DCLK2: variants seen among roughly 807,000 people sequenced by gnomAD.
The protein encoded by DCLK2 is doublecortin like kinase 2, also known as serine/threonine-protein kinase DCLK2.
Under a neutral mutation model 78.4 loss-of-function variants are expected in DCLK2, and 31 were observed. The observed-to-expected ratio is 0.40, with a 90% CI of 0.30 to 0.53. The LOEUF (loss-of-function observed/expected upper bound fraction) is 0.53, where lower values mean the gene tolerates loss of function less well. Ranked by LOEUF, DCLK2 falls within the 20% of genes least tolerant of loss-of-function variation. The pLI is 0.61. For missense variants in DCLK2, 872 were observed against 973.7 expected (o/e 0.90, Z 1.39); for synonymous variants, 407 against 374.9 (o/e 1.09, Z -0.99).
At chr4:150,181,349 CT>C (rs1285027911) in intron 2 of DCLK2, among the ~76,000 whole-genome samples, 4 of 151,980 alleles carry the variant, frequency 2.6e-5, no homozygotes. Context: ...GGAATTAAGA[CT>C]GGGGGTAGGG....
chr4:150,096,604 G>A (rs1580491321), intron 1 of DCLK2, among the ~76,000 whole-genome samples: 2 of 152,152 alleles, frequency 1.3e-5, no homozygotes, highest in South Asian at 2.1e-4. Flanking sequence ...TAAAGGTAAG[G>A]GAGATCATAG....
intron 1 of DCLK2, among the ~76,000 whole-genome samples, chr4:150,084,173 A>G (rs1048768769): frequency 6.6e-6 from 1 of 152,168 alleles, no homozygotes; most frequent in Non-Finnish European, 1.5e-5. Context: ...TTGTAGTCTC[A>G]TGATATATTG....
intron 15 of DCLK2, among the ~76,000 whole-genome samples, chr4:150,250,195 T>C (rs1488664524): frequency 6.6e-6 from 1 of 152,210 alleles, no homozygotes; most frequent in East Asian, 1.9e-4. Context: ...AAAAAATATA[T>C]ATTCATTTTT....
At chr4:150,216,662 G>A (rs969403756) in intron 5 of DCLK2, among the ~76,000 whole-genome samples, 3 of 152,126 alleles carry the variant, frequency 2.0e-5, no homozygotes, top group Non-Finnish European at 4.4e-5. Flanking sequence ...ATTAGCAGAA[G>A]AGGATTCTTG....
chr4:150,156,684 A>G (rs976615216), intron 2 of DCLK2, among the ~76,000 whole-genome samples: 1 of 151,716 alleles, frequency 6.6e-6, no homozygotes, highest in Non-Finnish European at 1.5e-5. Context: ...GCACACACAT[A>G]CACACATGTC....
At chr4:150,111,785 TTTTAA>T (rs1219963138) in intron 2 of DCLK2, among the ~76,000 whole-genome samples, 12 of 152,176 alleles carry the variant, frequency 7.9e-5, no homozygotes, top group Non-Finnish European at 1.3e-4. Context: ...GTTCTAAGTA[TTTTAA>T]TTTATCTCTA....
Position 150,135,003 on chromosome 4 carries a change from T to G in DCLK2, c.756+32191T>G, listed in dbSNP as rs145247450. 2.7e-3 allele frequency among the ~76,000 whole-genome samples: 407 copies of G among 152,314 alleles called. 2 individuals carry two copies. Among genetic ancestry groups the G allele is most frequent in the African/African-American group, 9.6e-3 (401 of 41,562 alleles). ...CTGACTTACCTAATCCAAGTAAGAATGTTTGCTATGAGAAAATTCTGATTT... is the reference window on the plus strand; with the variant it reads ...CTGACTTACCTAATCCAAGTAAGAAGGTTTGCTATGAGAAAATTCTGATTT... On this transcript the variant is annotated intron_variant, in intron 2 of 15. Transcript: ENST00000296550.
chr4:150,229,240 A>G (rs1741857702), intron 8 of DCLK2, among the ~76,000 whole-genome samples: 1 of 152,128 alleles, frequency 6.6e-6, no homozygotes, highest in African/African-American at 2.4e-5. Flanking sequence ...AGGCGGGAAG[A>G]TTGCTTGAGC....
chr4:150,100,067 C>G (rs117165526), intron 1 of DCLK2, among the ~76,000 whole-genome samples: 1 of 152,182 alleles, frequency 6.6e-6, no homozygotes, highest in East Asian at 1.9e-4. Context: ...TGTGTGCCAC[C>G]ATGTCCTGCT....
At chr4:150,115,221 T>C (rs1441373648) in intron 2 of DCLK2, among the ~76,000 whole-genome samples, 1 of 152,218 alleles carries the variant, frequency 6.6e-6, no homozygotes, top group African/African-American at 2.4e-5. Flanking sequence ...GAAGTTCTGA[T>C]TGGCTTTCTT....
chr4:150,198,938 G>T, intron 4 of DCLK2: 2 of 844,786 alleles, frequency 2.4e-6, no homozygotes, highest in East Asian at 3.1e-5. Flanking sequence ...TGTAGGGCAG[G>T]TCGTTTTACC....
chr4:150,232,909 A>G, intron 10 of DCLK2, 81 bp downstream of exon 10: 1 of 1,506,264 alleles, frequency 6.6e-7, no homozygotes, highest in East Asian at 2.3e-5. Flanking sequence ...GGCATTTTAT[A>G]GTCTATACCA....
chr4:150,213,504 A>T (rs1358714942), intron 5 of DCLK2, among the ~76,000 whole-genome samples: 1 of 152,150 alleles, frequency 6.6e-6, no homozygotes, highest in African/African-American at 2.4e-5. Context: ...TTTACACTGG[A>T]TTTTATTCTA....
intron 2 of DCLK2, among the ~76,000 whole-genome samples, chr4:150,192,202 T>C (rs2126367294): frequency 1.3e-5 from 2 of 152,138 alleles, no homozygotes; most frequent in Middle Eastern, 6.8e-3. Context: ...GAAATTGGGC[T>C]GGGCATGGTG....
intron 1 of DCLK2, among the ~76,000 whole-genome samples, chr4:150,098,946 C>T (rs1196542190): frequency 1.3e-5 from 2 of 152,098 alleles, no homozygotes; most frequent in African/African-American, 2.4e-5. Context: ...CCACCTCCCT[C>T]GGCTCCCCAA....
intron 2 of DCLK2, among the ~76,000 whole-genome samples, chr4:150,142,056 A>G (rs897666445): frequency 6.6e-6 from 1 of 152,254 alleles, no homozygotes; most frequent in Non-Finnish European, 1.5e-5. Flanking sequence ...TATTTATTTT[A>G]GATCATGAAA....
At chr4:150,102,869 G>A (rs2150154289) in intron 2 of DCLK2, 57 bp downstream of exon 2, 3 of 1,471,320 alleles carry the variant, frequency 2.0e-6, no homozygotes, top group Non-Finnish European at 1.8e-6. Context: ...CTGTGCCATG[G>A]TGGCTACATA....
intron 2 of DCLK2, among the ~76,000 whole-genome samples, chr4:150,106,227 C>T (rs1252809503): frequency 6.6e-6 from 1 of 152,128 alleles, no homozygotes; most frequent in Non-Finnish European, 1.5e-5. Flanking sequence ...TATAGGTGAA[C>T]TCGCTAATCT....
At chr4:150,087,238 A>G (rs116063044) in intron 1 of DCLK2, among the ~76,000 whole-genome samples, 2,592 of 152,302 alleles carry the variant, frequency 0.017, 81 homozygotes, top group African/African-American at 0.058. Context: ...TCATTACACT[A>G]TAACATTTAC....
Sources: gnomAD v4.1 joint callset for allele counts (sites outside exome capture counted in the v4.1 genomes callset) on GRCh38, gnomAD v4.1.1 for gene constraint, MANE v1.5 for transcripts, NCBI Gene and HGNC (gene_info 2026-07-23, HGNC 2026-07-21) for gene names.